NPAS3: variants seen among roughly 807,000 people sequenced by gnomAD.
The protein encoded by NPAS3 is neuronal PAS domain-containing protein 3.
A neutral mutation model predicts 73.1 loss-of-function variants in NPAS3; 14 were observed. That is an observed-to-expected ratio of 0.19 (90% CI 0.13 to 0.30). The LOEUF (loss-of-function observed/expected upper bound fraction) is 0.30. Ranked by LOEUF, NPAS3 falls within the 10% of genes least tolerant of loss-of-function variation. NPAS3 has a pLI of 1.00. For missense variants in NPAS3, 1,096 were observed against 1,250.0 expected (o/e 0.88, Z 1.86); for synonymous variants, 620 against 541.5 (o/e 1.14, Z -2.01).
chr14:33,584,263 A>G (rs977753385), intron 5 of NPAS3, among the ~76,000 whole-genome samples: 6 of 152,180 alleles, frequency 3.9e-5, no homozygotes, highest in African/African-American at 1.4e-4. Context: ...AGTATAATTG[A>G]TTGCCGGTAT....
chr14:33,081,588 GCA>G (rs72100817), intron 2 of NPAS3, among the ~76,000 whole-genome samples: 8,895 of 152,240 alleles, frequency 0.058, 366 homozygotes, highest in Admixed American at 0.09. Context: ...CCCACCATTT[GCA>G]CAGTTTCTGC....
intron 5 of NPAS3, among the ~76,000 whole-genome samples, chr14:33,588,278 A>C (rs1172804267): frequency 1.3e-5 from 2 of 152,160 alleles, no homozygotes; most frequent in Non-Finnish European, 2.9e-5. Context: ...GTGTGATATG[A>C]ACATATTGTC....
intron 4 of NPAS3, among the ~76,000 whole-genome samples, chr14:33,507,034 G>T (rs2052798943): frequency 6.6e-6 from 1 of 151,740 alleles, no homozygotes; most frequent in Non-Finnish European, 1.5e-5. Flanking sequence ...AAATTGTATT[G>T]CTCCATGAGG....
intron 9 of NPAS3, 48 bp downstream of exon 9, chr14:33,778,620 C>A (rs2062892387): frequency 7.9e-7 from 1 of 1,267,186 alleles, no homozygotes; most frequent in African/African-American, 1.5e-5. Context: ...TGTCAGCAAT[C>A]TCTGAGGCTT....
At chr14:33,749,656 C>T (rs1415240720) in intron 7 of NPAS3, among the ~76,000 whole-genome samples, 3 of 152,104 alleles carry the variant, frequency 2.0e-5, no homozygotes, top group Admixed American at 6.5e-5. Flanking sequence ...CTTGGCACAG[C>T]GGAGGACTGT....
chr14:33,798,176 C>CT (rs1257029558), intron 11 of NPAS3, among the ~76,000 whole-genome samples: 1 of 152,200 alleles, frequency 6.6e-6, no homozygotes, highest in African/African-American at 2.4e-5. Flanking sequence ...ATCAATGCCT[C>CT]TTTCAGGGTG....
chr14:33,461,331 A>T (rs2050254845), intron 4 of NPAS3, among the ~76,000 whole-genome samples: 1 of 152,214 alleles, frequency 6.6e-6, no homozygotes, highest in African/African-American at 2.4e-5. Context: ...GTTGCATAAA[A>T]TGATTCCTGT....
At chr14:33,498,997 A>AG (rs1477287116) in intron 4 of NPAS3, among the ~76,000 whole-genome samples, 3 of 92,866 alleles carry the variant, frequency 3.2e-5, no homozygotes, top group Admixed American at 1.2e-4. Context: ...TGTGGTGGGA[A>AG]GGGGGGTGTA....
chr14:33,707,788 G>A (rs2060698548), intron 6 of NPAS3, among the ~76,000 whole-genome samples: 5 of 152,132 alleles, frequency 3.3e-5, no homozygotes, highest in Non-Finnish European at 1.5e-5. Context: ...AAGAGGCCTG[G>A]AGGAAAGGCA....
chr14:33,760,056 C>T (rs1331996241), intron 7 of NPAS3, among the ~76,000 whole-genome samples: 2 of 152,162 alleles, frequency 1.3e-5, no homozygotes, highest in Non-Finnish European at 2.9e-5. Flanking sequence ...ACAAAACCCA[C>T]CCCAAGATGT....
chr14:33,778,614 A>AGCAATCTCT (rs749984278), intron 9 of NPAS3, 42 bp downstream of exon 9: 44 of 1,341,690 alleles, frequency 3.3e-5, no homozygotes, highest in Non-Finnish European at 4.6e-5. Flanking sequence ...GGCTGGTGTC[A>AGCAATCTCT]GCAATCTCTG....
At chr14:33,367,086 CTAAA>C (rs1305235382) in intron 3 of NPAS3, 96 bp from the exon 4 acceptor site, 4 of 601,242 alleles carry the variant, frequency 6.7e-6, no homozygotes, top group Non-Finnish European at 1.2e-5. Flanking sequence ...CATTGTAATA[CTAAA>C]TAGTCAATGA....
intron 4 of NPAS3, among the ~76,000 whole-genome samples, chr14:33,546,978 C>A (rs188828145): frequency 4.6e-5 from 7 of 152,116 alleles, no homozygotes; most frequent in South Asian, 2.1e-4. Context: ...CCTGTCGTGG[C>A]AGGAAAGGAG....
chr14:33,212,095 T>C (rs2047061779), intron 2 of NPAS3, among the ~76,000 whole-genome samples: 1 of 152,208 alleles, frequency 6.6e-6, no homozygotes, highest in Non-Finnish European at 1.5e-5. Flanking sequence ...TAATTCAATG[T>C]GAGGATTGCT....
At chr14:33,314,588 C>G (rs755733432) in intron 3 of NPAS3, among the ~76,000 whole-genome samples, 9 of 152,084 alleles carry the variant, frequency 5.9e-5, no homozygotes, top group African/African-American at 1.2e-4. Context: ...AAAAAATACT[C>G]TAATTGGATA....
chr14:33,129,699 C>A (rs2043563193), intron 2 of NPAS3, among the ~76,000 whole-genome samples: 2 of 152,054 alleles, frequency 1.3e-5, no homozygotes, highest in Non-Finnish European at 2.9e-5. Flanking sequence ...GCAGAGCAAG[C>A]ACATTCATAA....
chr14:33,731,588 T>C (rs1378763038), intron 6 of NPAS3, among the ~76,000 whole-genome samples: 9 of 152,130 alleles, frequency 5.9e-5, no homozygotes, highest in Admixed American at 4.6e-4. Flanking sequence ...ACACCTCCTC[T>C]TTCTGCCTTC....
intron 5 of NPAS3, among the ~76,000 whole-genome samples, chr14:33,665,394 T>C (rs2059423894): frequency 1.3e-5 from 2 of 152,104 alleles, no homozygotes; most frequent in Non-Finnish European, 2.9e-5. Context: ...TGTATACCTA[T>C]ACAACAAACC....
intron 2 of NPAS3, among the ~76,000 whole-genome samples, chr14:33,120,423 A>G (rs2043195943): frequency 6.6e-6 from 1 of 152,154 alleles, no homozygotes; most frequent in Non-Finnish European, 1.5e-5. Context: ...AGAGGTGACC[A>G]TAGTCTGTTC....
Sources: gnomAD v4.1 joint callset for allele counts (sites outside exome capture counted in the v4.1 genomes callset) on GRCh38, gnomAD v4.1.1 for gene constraint, MANE v1.5 for transcripts, NCBI Gene and HGNC (gene_info 2026-07-23, HGNC 2026-07-21) for gene names.